The following CDC42BPA variants were observed in gnomAD, a reference collection of about 807,000 sequenced individuals.
The protein encoded by CDC42BPA is serine/threonine-protein kinase MRCK alpha.
CDC42BPA carries 80 observed loss-of-function variants against 223.5 expected under a neutral mutation model. That is an observed-to-expected ratio of 0.36 (90% confidence interval 0.30 to 0.43). The LOEUF is 0.43. Among genes scored for constraint, CDC42BPA ranks in the 20% least tolerant of loss-of-function variants. CDC42BPA has a pLI of 1.00. For synonymous variants in CDC42BPA, 694 were observed against 718.6 expected, an observed-to-expected ratio of 0.97 and a Z score of 0.55; for missense variants, 1,743 against 2,099.9, an observed-to-expected ratio of 0.83 and a Z score of 3.32.
intron 3 of CDC42BPA, among the ~76,000 whole-genome samples, chr1:227,203,650 A>T (rs1672182429): frequency 6.6e-6 from 1 of 152,204 alleles, no homozygotes; most frequent in Non-Finnish European, 1.5e-5. Flanking sequence ...AGGAAGGGCT[A>T]CTGTAGATCA....
intron 1 of CDC42BPA, among the ~76,000 whole-genome samples, chr1:227,276,098 G>A (rs1686951694): frequency 6.6e-6 from 1 of 151,494 alleles, no homozygotes; most frequent in East Asian, 2.0e-4. Flanking sequence ...CTGCCCGGCC[G>A]CCCAGTCTGG....
chr1:227,056,727 C>T (rs1674650733), intron 21 of CDC42BPA, among the ~76,000 whole-genome samples: 1 of 152,072 alleles, frequency 6.6e-6, no homozygotes, highest in Non-Finnish European at 1.5e-5. Context: ...TATCCTCTAG[C>T]TAGAAGTATT....
chr1:227,059,633 C>T (rs1675383393), intron 21 of CDC42BPA, among the ~76,000 whole-genome samples: 1 of 152,104 alleles, frequency 6.6e-6, no homozygotes, highest in African/African-American at 2.4e-5. Flanking sequence ...TTTCACTGGC[C>T]CATGTACAGT....
chr1:227,260,445 A>G (rs972676677), intron 1 of CDC42BPA, among the ~76,000 whole-genome samples: 7 of 151,076 alleles, frequency 4.6e-5, no homozygotes, highest in African/African-American at 1.7e-4. Context: ...CCCAAGATCC[A>G]ACAACAGAGT....
At chr1:227,245,031 T>C (rs1198820561) in intron 2 of CDC42BPA, among the ~76,000 whole-genome samples, 1 of 152,158 alleles carries the variant, frequency 6.6e-6, no homozygotes, top group African/African-American at 2.4e-5. Flanking sequence ...CCAGCAAGCA[T>C]CACCACTGCA....
chr1:227,214,577 A>G (rs1674502837), intron 2 of CDC42BPA, among the ~76,000 whole-genome samples: 1 of 152,200 alleles, frequency 6.6e-6, no homozygotes. Flanking sequence ...CAAACCCTGC[A>G]CAACTGGGAG....
intron 3 of CDC42BPA, 147 bp from the exon 4 acceptor site, chr1:227,199,799 C>T: frequency 4.5e-6 from 2 of 449,288 alleles, no homozygotes; most frequent in East Asian, 7.0e-5. Flanking sequence ...AAGTTTCAAA[C>T]CACCCTCAGA....
chr1:227,096,486 G>C (rs1415253152), intron 15 of CDC42BPA, among the ~76,000 whole-genome samples: 1 of 152,102 alleles, frequency 6.6e-6, no homozygotes, highest in Non-Finnish European at 1.5e-5. Context: ...TCGCTTAGTT[G>C]CTCTCCACCA....
At chr1:227,142,078 C>T (rs1372410519) in intron 9 of CDC42BPA, among the ~76,000 whole-genome samples, 1 of 152,166 alleles carries the variant, frequency 6.6e-6, no homozygotes, top group Non-Finnish European at 1.5e-5. Context: ...GGTTGGTAAT[C>T]ATGAATTTAA....
chr1:227,277,370 C>A (rs966846238), intron 1 of CDC42BPA, among the ~76,000 whole-genome samples: 2 of 151,998 alleles, frequency 1.3e-5, no homozygotes, highest in Non-Finnish European at 2.9e-5. Flanking sequence ...AGAAATGGCA[C>A]CATTATTTGA....
At chr1:227,159,664 AC>A (rs1183303419) in intron 6 of CDC42BPA, among the ~76,000 whole-genome samples, 2 of 145,508 alleles carry the variant, frequency 1.4e-5, no homozygotes, top group African/African-American at 2.6e-5. Context: ...AAAAAAAAAA[AC>A]AGAATAAAAC....
Position 227,139,558 on chromosome 1 carries a change from T to C in CDC42BPA, c.1390+18A>G. 1 of 1,466,536 alleles carries C rather than the reference T, an allele frequency of 6.8e-7. No homozygotes were observed. Among genetic ancestry groups the C allele is most frequent in the East Asian group, 2.5e-5 (1 of 40,336 alleles). The allele number at this position is 1,466,536 out of a possible 1,614,324, so 90.8% of individuals were successfully genotyped here. A position where few individuals can be genotyped will look rare whatever the true frequency, so the allele number is the denominator to read the frequency against. On this transcript the variant is annotated intron_variant, in intron 10 of 36. Transcript: ENST00000366766. ...GAGTACAATTCAAAAAGTGAAAATATATTTAAAATATATTTACCTTGAAGT... is the reference window on the plus strand; with the variant it reads ...GAGTACAATTCAAAAAGTGAAAATACATTTAAAATATATTTACCTTGAAGT...
intron 16 of CDC42BPA, among the ~76,000 whole-genome samples, chr1:227,084,030 A>G (rs1681285818): frequency 6.6e-6 from 1 of 152,166 alleles, no homozygotes; most frequent in Non-Finnish European, 1.5e-5. Flanking sequence ...ACTGCTCTGT[A>G]CTATTCTTCT....
chr1:227,071,226 T>C (rs1247667001), intron 20 of CDC42BPA, among the ~76,000 whole-genome samples: 1 of 151,892 alleles, frequency 6.6e-6, no homozygotes, highest in Non-Finnish European at 1.5e-5. Flanking sequence ...TCATTTTACA[T>C]GCAGATGCAG....
intron 3 of CDC42BPA, among the ~76,000 whole-genome samples, chr1:227,199,919 C>CA (rs1193862780): frequency 1.3e-5 from 2 of 151,902 alleles, no homozygotes; most frequent in Non-Finnish European, 2.9e-5. Flanking sequence ...AACCATGGAC[C>CA]AACCCACCAT....
At chr1:227,250,318 T>C (rs964579424) in intron 2 of CDC42BPA, among the ~76,000 whole-genome samples, 6 of 151,964 alleles carry the variant, frequency 3.9e-5, no homozygotes, top group Non-Finnish European at 4.4e-5. Context: ...TGAAACCACA[T>C]GTCTACTAAA....
At chr1:227,316,945 C>A (rs936553517) in intron 1 of CDC42BPA, 60 bp downstream of exon 1, 59 of 1,270,382 alleles carry the variant, frequency 4.6e-5, no homozygotes, top group Non-Finnish European at 6.4e-5. Flanking sequence ...ACTCTCTATA[C>A]CAATTAAATC....
At chr1:227,314,418 C>A (rs768112370) in intron 1 of CDC42BPA, among the ~76,000 whole-genome samples, 1 of 152,122 alleles carries the variant, frequency 6.6e-6, no homozygotes, top group Non-Finnish European at 1.5e-5. Flanking sequence ...CTCCCTCAAG[C>A]CATCAGCACC....
At chr1:227,212,680 C>T (rs908597457) in intron 3 of CDC42BPA, among the ~76,000 whole-genome samples, 2 of 152,118 alleles carry the variant, frequency 1.3e-5, no homozygotes, top group African/African-American at 4.8e-5. Flanking sequence ...TTTACTACAA[C>T]TCCTGTAATA....
Sources: allele counts gnomAD v4.1 joint callset (sites outside exome capture counted in the v4.1 genomes callset), GRCh38; gene constraint gnomAD v4.1.1; transcripts MANE v1.5; gene names NCBI Gene and HGNC (gene_info 2026-07-23, HGNC 2026-07-21).